MTX2: variants seen among roughly 807,000 people sequenced by gnomAD.
The protein encoded by MTX2 is metaxin 2.
In MTX2, 35 loss-of-function variants were observed where a neutral mutation model predicts 42.3. The observed-to-expected ratio is 0.83, with a 90% CI of 0.63 to 1.10. The LOEUF (loss-of-function observed/expected upper bound fraction) is 1.10, where lower values mean the gene tolerates loss of function less well. Among genes scored for constraint, MTX2 ranks in the 50% least tolerant of loss-of-function variants. The pLI is 0.00. For missense variants in MTX2, 307 were observed against 304.1 expected (o/e 1.01, Z -0.07); for synonymous variants, 119 against 100.9 (o/e 1.18, Z -1.08).
At position 176,272,144 on chromosome 2, in the gene MTX2, A is replaced by G. The variant is rs902583915; in HGVS notation, c.40+2475A>G. ...TTATGCTAAATGAAATAAGCTAGACATAGAAAGACAAGTAGTGATCTAAAA... is the reference window on the plus strand; with the variant it reads ...TTATGCTAAATGAAATAAGCTAGACGTAGAAAGACAAGTAGTGATCTAAAA... On this transcript the variant is annotated intron_variant, in intron 1 of 9. Coordinates refer to ENST00000249442, the MANE Select transcript of MTX2 (RefSeq NM_006554.5). 4.6e-5 allele frequency among the ~76,000 whole-genome samples: 7 copies of G among 152,342 alleles called. No homozygotes were observed. In the East Asian group the frequency reaches 5.8e-4, roughly 13 times the overall value.
chr2:176,271,878 C>T (rs562475412), intron 1 of MTX2, among the ~76,000 whole-genome samples: 1 of 152,064 alleles, frequency 6.6e-6, no homozygotes, highest in Admixed American at 6.5e-5. Flanking sequence ...TATTGTACAC[C>T]AATCCACCAA....
At chr2:176,296,726 T>C (rs1251755749) in intron 1 of MTX2, 134 bp from the exon 2 acceptor site, 6 of 792,790 alleles carry the variant, frequency 7.6e-6, no homozygotes, top group Non-Finnish European at 1.1e-5. Flanking sequence ...GATAGTGTGA[T>C]TAGTTGCCAT....
At chr2:176,276,008 G>C (rs566363131) in intron 1 of MTX2, among the ~76,000 whole-genome samples, 1 of 152,256 alleles carries the variant, frequency 6.6e-6, no homozygotes, top group Non-Finnish European at 1.5e-5. Context: ...CTTCCTAGCT[G>C]TGTGAACTTG....
At chr2:176,335,656 A>G (rs1684969447) in intron 9 of MTX2, among the ~76,000 whole-genome samples, 1 of 152,126 alleles carries the variant, frequency 6.6e-6, no homozygotes, top group Non-Finnish European at 1.5e-5. Context: ...TAGGAGGGTG[A>G]AAGAAAGAAC....
At chr2:176,277,682 G>A (rs1368740053) in intron 1 of MTX2, among the ~76,000 whole-genome samples, 2 of 152,172 alleles carry the variant, frequency 1.3e-5, no homozygotes, top group African/African-American at 2.4e-5. Context: ...GATTACAGGC[G>A]TGAGCCACCG....
chr2:176,313,817 A>G (rs1027986857), intron 3 of MTX2, among the ~76,000 whole-genome samples: 2 of 152,092 alleles, frequency 1.3e-5, no homozygotes, highest in African/African-American at 2.4e-5. Context: ...TTCTGTTAGG[A>G]TCCATTAGGT....
chr2:176,269,949 G>C (rs1045004679), intron 1 of MTX2, among the ~76,000 whole-genome samples: 6 of 152,166 alleles, frequency 3.9e-5, no homozygotes, highest in African/African-American at 1.4e-4. Context: ...TGGAGTATGA[G>C]GGGGAGGCCT....
At chr2:176,278,044 T>TG in intron 1 of MTX2, among the ~76,000 whole-genome samples, 2 of 79,932 alleles carry the variant, frequency 2.5e-5, no homozygotes, top group African/African-American at 5.5e-5. Context: ...GAAACTGGTT[T>TG]TTTTTTTTTT....
intron 1 of MTX2, among the ~76,000 whole-genome samples, chr2:176,288,296 A>G (rs1439748081): frequency 1.3e-5 from 2 of 152,050 alleles, no homozygotes; most frequent in African/African-American, 4.8e-5. Flanking sequence ...AAACCTTCAT[A>G]TATTGCCTAA....
At chr2:176,293,484 G>C (rs920834917) in intron 1 of MTX2, among the ~76,000 whole-genome samples, 1 of 152,112 alleles carries the variant, frequency 6.6e-6, no homozygotes. Flanking sequence ...TTTGGGTCAT[G>C]GGGGTGGATC....
At chr2:176,293,848 G>A (rs1262638655) in intron 1 of MTX2, among the ~76,000 whole-genome samples, 1 of 152,174 alleles carries the variant, frequency 6.6e-6, no homozygotes, top group East Asian at 1.9e-4. Flanking sequence ...TATTCTCTGA[G>A]CTGCTCATAG....
chr2:176,316,837 C>T (rs1684453854), intron 3 of MTX2, among the ~76,000 whole-genome samples: 9 of 151,864 alleles, frequency 5.9e-5, no homozygotes, highest in Admixed American at 5.9e-4. Flanking sequence ...GTGTGAATAT[C>T]CTTACACATA....
At chr2:176,277,444 C>T (rs1414893717) in intron 1 of MTX2, among the ~76,000 whole-genome samples, 4 of 152,116 alleles carry the variant, frequency 2.6e-5, no homozygotes, top group Non-Finnish European at 5.9e-5. Context: ...CTCTTGTTGC[C>T]CAGGCTGGAG....
intron 3 of MTX2, among the ~76,000 whole-genome samples, chr2:176,321,622 G>T (rs1390920207): frequency 6.6e-6 from 1 of 152,068 alleles, no homozygotes; most frequent in Non-Finnish European, 1.5e-5. Flanking sequence ...GTTCTGTTTG[G>T]CTGCTATAGC....
intron 3 of MTX2, among the ~76,000 whole-genome samples, chr2:176,317,447 CTG>C (rs1243880324): frequency 6.6e-6 from 1 of 152,068 alleles, no homozygotes; most frequent in Non-Finnish European, 1.5e-5. Context: ...TGTTTTGGCT[CTG>C]TATTTTGTTT....
chr2:176,285,732 C>T (rs1693184022), intron 1 of MTX2, among the ~76,000 whole-genome samples: 1 of 151,796 alleles, frequency 6.6e-6, no homozygotes, highest in African/African-American at 2.4e-5. Flanking sequence ...TTTCTTATTG[C>T]CAAATAGTAT....
intron 1 of MTX2, among the ~76,000 whole-genome samples, chr2:176,294,914 A>C (rs554687473): frequency 3.3e-5 from 5 of 152,330 alleles, no homozygotes; most frequent in African/African-American, 1.2e-4. Context: ...ATGCATGCCT[A>C]GTATGTGCAC....
At chr2:176,275,658 A>C (rs1302986406) in intron 1 of MTX2, among the ~76,000 whole-genome samples, 1 of 152,010 alleles carries the variant, frequency 6.6e-6, no homozygotes, top group Non-Finnish European at 1.5e-5. Flanking sequence ...TACATTACTC[A>C]CATTTTGTTT....
At chr2:176,304,929 T>G (rs1373617851) in intron 3 of MTX2, among the ~76,000 whole-genome samples, 1 of 152,088 alleles carries the variant, frequency 6.6e-6, no homozygotes, top group Non-Finnish European at 1.5e-5. Context: ...GTGACTTACA[T>G]AAATTTAGAA....
Sources: gnomAD v4.1 joint callset for allele counts (sites outside exome capture counted in the v4.1 genomes callset) on GRCh38, gnomAD v4.1.1 for gene constraint, MANE v1.5 for transcripts, NCBI Gene and HGNC (gene_info 2026-07-23, HGNC 2026-07-21) for gene names.